Variants in PAM observed in about 807,000 individuals in gnomAD.
PAM encodes the protein peptidyl-glycine alpha-amidating monooxygenase.
PAM carries 72 observed loss-of-function variants against 122.1 expected under a neutral mutation model. That is an observed-to-expected ratio of 0.59 (90% CI 0.49 to 0.72). The LOEUF (loss-of-function observed/expected upper bound fraction) is 0.72, where lower values mean the gene tolerates loss of function less well. PAM is among the 30% of genes least tolerant of loss of function. The probability of loss-of-function intolerance (pLI) is 0.00; values close to 1 mark genes in which losing one functional copy is unlikely to be tolerated. For missense variants in PAM, 1,106 were observed against 1,183.7 expected (o/e 0.93, Z 0.96); for synonymous variants, 389 against 404.4 (o/e 0.96, Z 0.46).
chr5:102,936,696 G>T (rs1316180639), intron 7 of PAM, among the ~76,000 whole-genome samples: 1 of 151,834 alleles, frequency 6.6e-6, no homozygotes, highest in South Asian at 2.1e-4. Context: ...GTAAATTGCT[G>T]CACATTTTTG....
intron 1 of PAM, among the ~76,000 whole-genome samples, chr5:102,813,806 A>G (rs1325124516): frequency 1.3e-5 from 2 of 152,172 alleles, no homozygotes; most frequent in East Asian, 3.9e-4. Context: ...TTCTGCAGGC[A>G]AAATCTTGTG....
chr5:102,926,894 TG>T (rs1317417849), intron 7 of PAM, among the ~76,000 whole-genome samples: 2 of 152,202 alleles, frequency 1.3e-5, no homozygotes, highest in Non-Finnish European at 2.9e-5. Flanking sequence ...TCTTTTATGC[TG>T]ACTTTATAGA....
chr5:102,997,603 T>C (rs940267217), intron 16 of PAM, among the ~76,000 whole-genome samples: 1 of 152,208 alleles, frequency 6.6e-6, no homozygotes, highest in Non-Finnish European at 1.5e-5. Context: ...CTATTTTTCT[T>C]CTCATTCCTT....
intron 1 of PAM, among the ~76,000 whole-genome samples, chr5:102,764,173 CT>C (rs1342140130): frequency 4.0e-5 from 6 of 151,890 alleles, no homozygotes; most frequent in African/African-American, 1.5e-4. Flanking sequence ...GTGCCAGGCT[CT>C]AGGAATAAAA....
chr5:102,770,123 T>C (rs1018753991), intron 1 of PAM, among the ~76,000 whole-genome samples: 6 of 152,112 alleles, frequency 3.9e-5, no homozygotes, highest in Non-Finnish European at 7.4e-5. Flanking sequence ...GCTTTTTTAA[T>C]AGGATTTTAA....
chr5:102,929,395 A>ATT (rs1367592958), intron 7 of PAM, among the ~76,000 whole-genome samples: 1 of 152,194 alleles, frequency 6.6e-6, no homozygotes, highest in Non-Finnish European at 1.5e-5. Flanking sequence ...TTATGTACAT[A>ATT]TTATATATAT....
chr5:102,978,777 G>C (rs1356665987), intron 15 of PAM, among the ~76,000 whole-genome samples: 2 of 151,590 alleles, frequency 1.3e-5, no homozygotes, highest in Non-Finnish European at 1.5e-5. Context: ...AATTTTCAGG[G>C]TAAAATAAAC....
intron 7 of PAM, 103 bp downstream of exon 7, chr5:102,926,771 C>G (rs564741958): frequency 1.5e-6 from 1 of 650,722 alleles, no homozygotes; most frequent in Non-Finnish European, 2.7e-6. Flanking sequence ...TGCCCACACC[C>G]TCTGCCCACT....
chr5:102,769,701 C>A (rs258135), intron 1 of PAM, among the ~76,000 whole-genome samples: 71,424 of 151,798 alleles, frequency 0.47, 16,959 homozygotes, highest in East Asian at 0.52. Flanking sequence ...GTTCTGTTCC[C>A]TCTGTCTATG....
intron 7 of PAM, 116 bp downstream of exon 7, chr5:102,926,784 G>A: frequency 1.7e-6 from 1 of 597,468 alleles, no homozygotes. Flanking sequence ...TGCCCACTAG[G>A]GGATAACAGC....
Position 102,946,886 on chromosome 5 carries a change from G to GT in PAM, c.575+2dup, listed in dbSNP as rs1561988370. The stretch of plus-strand genomic sequence containing the variant: ...TGTCCTTACACCTCACACGTCTGCC[G>GT]TAAGTACTTCCATTTTTCCTAGAGG... On this transcript the variant is annotated splice_donor_variant, in intron 8 of 25. Transcript: ENST00000438793. LOFTEE classifies it high-confidence loss of function. 2 of 1,592,660 alleles carry GT rather than the reference G, an allele frequency of 1.3e-6. No homozygotes were observed. Among genetic ancestry groups the GT allele is most frequent in the Non-Finnish European group, 1.7e-6 (2 of 1,161,458 alleles).
At chr5:103,012,723 G>A (rs1780967462) in intron 21 of PAM, among the ~76,000 whole-genome samples, 1 of 152,102 alleles carries the variant, frequency 6.6e-6, no homozygotes, top group African/African-American at 2.4e-5. Flanking sequence ...AGGCATAGTG[G>A]TGGGCGCCTG....
intron 1 of PAM, among the ~76,000 whole-genome samples, chr5:102,792,007 A>G (rs910956309): frequency 6.6e-6 from 1 of 152,216 alleles, no homozygotes; most frequent in African/African-American, 2.4e-5. Flanking sequence ...CCATACTAAT[A>G]AGGGTGAACA....
chr5:102,821,798 T>C (rs1267557013), intron 1 of PAM, among the ~76,000 whole-genome samples: 2 of 152,148 alleles, frequency 1.3e-5, no homozygotes, highest in Non-Finnish European at 2.9e-5. Flanking sequence ...TAGATCCCCA[T>C]AGGTTCTTGG....
At chr5:102,908,488 A>G (rs539469954) in intron 4 of PAM, among the ~76,000 whole-genome samples, 2 of 148,924 alleles carry the variant, frequency 1.3e-5, no homozygotes, top group Non-Finnish European at 3.0e-5. Context: ...ACCACCGCAT[A>G]TTCTCATTCA....
At chr5:102,971,068 G>A (rs114539122) in intron 14 of PAM, among the ~76,000 whole-genome samples, 65 of 152,268 alleles carry the variant, frequency 4.3e-4, no homozygotes, top group African/African-American at 1.5e-3. Flanking sequence ...TGGCTTCCCA[G>A]TGCTGGGATT....
intron 1 of PAM, among the ~76,000 whole-genome samples, chr5:102,758,073 GTTTTTTTTTTT>G (rs1168917285): frequency 4.4e-4 from 11 of 24,830 alleles, no homozygotes; most frequent in Non-Finnish European, 8.1e-4. Flanking sequence ...TTAGAATTTT[GTTTTTTTTTTT>G]TTTTTTTTTT....
At chr5:102,815,550 A>G (rs1204547793) in intron 1 of PAM, among the ~76,000 whole-genome samples, 6 of 152,186 alleles carry the variant, frequency 3.9e-5, no homozygotes, top group Non-Finnish European at 7.3e-5. Flanking sequence ...CTATTCCAGT[A>G]TCCTGCCCAT....
At chr5:102,970,841 C>CT (rs146601088) in intron 14 of PAM, among the ~76,000 whole-genome samples, 3,642 of 152,084 alleles carry the variant, frequency 0.024, 60 homozygotes, top group Middle Eastern at 0.068. Context: ...GAGTCTCACT[C>CT]TGTCTCCCGG....
Sources: gnomAD v4.1 joint callset for allele counts (sites outside exome capture counted in the v4.1 genomes callset) on GRCh38, gnomAD v4.1.1 for gene constraint, MANE v1.5 for transcripts, NCBI Gene and HGNC (gene_info 2026-07-23, HGNC 2026-07-21) for gene names.